Variants in YWHAB observed in about 807,000 individuals in gnomAD.
The protein encoded by YWHAB is tyrosine 3-monooxygenase/tryptophan 5-monooxygenase activation protein beta, also known as 14-3-3 protein beta/alpha.
A neutral mutation model predicts 28.5 loss-of-function variants in YWHAB; 2 were observed. That is an observed-to-expected ratio of 0.07 (90% CI 0.03 to 0.22). The LOEUF (loss-of-function observed/expected upper bound fraction) is 0.22. Ranked by LOEUF, YWHAB falls within the 10% of genes least tolerant of loss-of-function variation. YWHAB has a pLI of 1.00. For synonymous variants in YWHAB, 103 were observed against 104.7 expected, an observed-to-expected ratio of 0.98 and a Z score of 0.10; for missense variants, 148 against 297.1, an observed-to-expected ratio of 0.50 and a Z score of 3.69.
Position 44,906,415 on chromosome 20 carries a change from G to A in YWHAB, c.718G>A (p.Asp240Asn). ...WTSENQGDEG[D>N]AGEGEN Reference sequence around the variant, plus strand: ...ATCGGAAAACCAGGGAGACGAAGGAGACGCTGGGGAGGGAGAGAACTAATG... The same window carrying A: ...ATCGGAAAACCAGGGAGACGAAGGAAACGCTGGGGAGGGAGAGAACTAATG... The change falls in exon 6 of 6, where the codon GAC becomes AAC. Residue 240 changes from aspartate (D) to asparagine (N), a missense_variant. Transcript: ENST00000353703. The A allele has an allele frequency of 1.2e-6, 2 of 1,610,296 alleles. No individual in the cohort carries two copies. The highest frequency in any genetic ancestry group is 1.7e-6 in the Non-Finnish European group (2 of 1,178,634).
chr20:44,908,450 A>G lies in YWHAB; in HGVS notation c.*2012A>G, dbSNP rs895524203. On this transcript the variant is annotated 3_prime_UTR_variant, in exon 6 of 6. Transcript: ENST00000353703. ...TTGTGTATGTCTTTTAAACAGTTCT[A>G]GTTTCACCTTACACAGAATAATCAG... 2.6e-5 allele frequency: 4 copies of G among 152,682 alleles called. No homozygotes were observed. Among genetic ancestry groups the G allele is most frequent in the African/African-American group, 9.6e-5 (4 of 41,468 alleles). The allele number at this position is 152,682 out of a possible 1,614,324, so 9.5% of individuals were successfully genotyped here.
intron 1 of YWHAB, among the ~76,000 whole-genome samples, chr20:44,890,555 G>C (rs1285312590): frequency 2.3e-5 from 3 of 131,238 alleles, no homozygotes; most frequent in Non-Finnish European, 4.6e-5. Flanking sequence ...CTGTCACCCA[G>C]GCTGGAGTGC....
At chr20:44,901,180 G>GA (rs1348333206) in intron 1 of YWHAB, among the ~76,000 whole-genome samples, 2 of 152,168 alleles carry the variant, frequency 1.3e-5, no homozygotes, top group Non-Finnish European at 2.9e-5. Flanking sequence ...AGATAGATGT[G>GA]AGCTGGAGTT....
chr20:44,905,318 T>C, intron 4 of YWHAB, 187 bp downstream of exon 4: 1 of 500,662 alleles, frequency 2.0e-6, no homozygotes, highest in South Asian at 4.7e-5. Context: ...TACCTTCTGC[T>C]GACTTTGTTT....
At chr20:44,888,189 G>A (rs1168908256) in intron 1 of YWHAB, among the ~76,000 whole-genome samples, 1 of 152,198 alleles carries the variant, frequency 6.6e-6, no homozygotes, top group Non-Finnish European at 1.5e-5. Flanking sequence ...CACGTGTATA[G>A]ATTAGACATA....
intron 2 of YWHAB, chr20:44,903,031 A>G: frequency 1.0e-6 from 1 of 986,100 alleles, no homozygotes. Flanking sequence ...CTGCCTCTTA[A>G]CCAGTTTTTC....
At chr20:44,887,109 AGT>A (rs2066533228) in intron 1 of YWHAB, 3 of 152,332 alleles carry the variant, frequency 2.0e-5, no homozygotes, top group Admixed American at 6.5e-5. Flanking sequence ...AATGTGTATA[AGT>A]ATTTGTTCTT....
In YWHAB at chr20:44,908,294, C is replaced by T. The variant is rs1470550167; in HGVS notation, c.*1856C>T. On this transcript the variant is annotated 3_prime_UTR_variant, in exon 6 of 6. Transcript: ENST00000353703. ...TGTATATCTGGTAGCTCTTTTCTTG[C>T]TTTGTTTTTTCTTACCAGTATTCTG... 6.6e-6 allele frequency: 1 copy of T among 152,462 alleles called. No homozygotes were observed. The highest frequency in any genetic ancestry group is 2.1e-4 in the South Asian group (1 of 4,830). 9.4% of individuals were successfully genotyped at this position (152,462 alleles called of 1,614,324 possible).
At chr20:44,888,471 G>A (rs1394666455) in intron 1 of YWHAB, among the ~76,000 whole-genome samples, 1 of 152,166 alleles carries the variant, frequency 6.6e-6, no homozygotes, top group Non-Finnish European at 1.5e-5. Flanking sequence ...ACAGCGCAAG[G>A]TAAGTGCCAG....
intron 1 of YWHAB, among the ~76,000 whole-genome samples, chr20:44,898,414 A>G (rs564299895): frequency 2.6e-5 from 4 of 152,228 alleles, no homozygotes; most frequent in African/African-American, 7.2e-5. Flanking sequence ...TTTTTAGGTG[A>G]TAAGGCCCTG....
rs1304383463 is a variant in YWHAB at position 44,904,130 on chromosome 20, T to G, written c.424+14T>G. On this transcript the variant is annotated intron_variant, in intron 3 of 5. Transcript: ENST00000353703. Reference sequence around the variant, plus strand: ...ACAACAAACAAAGTAAGTAATATCTTTAAAAAGAAATTCGACCAGTAATGG... The same window carrying G: ...ACAACAAACAAAGTAAGTAATATCTGTAAAAAGAAATTCGACCAGTAATGG... 1 of 1,611,394 alleles carries G rather than the reference T, an allele frequency of 6.2e-7. No homozygotes were observed.
chr20:44,901,964 C>T lies in YWHAB; in HGVS notation c.300+131C>T, dbSNP rs549919884. ...ATACTGGAAAGCTGCCAGGTATTTACAACTAATTTTTAAGCATATGATATA... is the reference window on the plus strand; with the variant it reads ...ATACTGGAAAGCTGCCAGGTATTTATAACTAATTTTTAAGCATATGATATA... On this transcript the variant is annotated intron_variant, in intron 2 of 5. Transcript: ENST00000353703. The T allele has an allele frequency of 4.4e-5, 46 of 1,043,798 alleles. No individual in the cohort carries two copies. The South Asian group carries it at 9.3e-4, about 21-fold the overall frequency. The allele number at this position is 1,043,798 out of a possible 1,614,324, so 64.7% of individuals were successfully genotyped here.
At chr20:44,885,977 G>C (rs1330697031) in intron 1 of YWHAB, 91 bp downstream of exon 1, 1 of 152,250 alleles carries the variant, frequency 6.6e-6, no homozygotes, top group East Asian at 1.9e-4. Context: ...CCCAGTGGGT[G>C]GGCCCCGTGG....
At chr20:44,903,266 A>G (rs2066637696) in intron 2 of YWHAB, 1 of 193,258 alleles carries the variant, frequency 5.2e-6, no homozygotes, top group Admixed American at 6.5e-5. Context: ...GCTATACCCT[A>G]GAAGATGACC....
At chr20:44,893,993 G>T (rs572119286) in intron 1 of YWHAB, among the ~76,000 whole-genome samples, 3 of 152,232 alleles carry the variant, frequency 2.0e-5, no homozygotes, top group Non-Finnish European at 4.4e-5. Context: ...CAGTGCACCT[G>T]GCCAGTCTCC....
rs952736468 is a variant in YWHAB, at chr20:44,889,871, A to G, written c.-4+3985A>G. Among the ~76,000 whole-genome samples, 18 of 152,168 alleles carry G rather than the reference A, an allele frequency of 1.2e-4. 1 individual carries two copies. Among genetic ancestry groups the G allele is most frequent in the African/African-American group, 4.3e-4 (18 of 41,448 alleles). On this transcript the variant is annotated intron_variant, in intron 1 of 5. Coordinates refer to ENST00000353703, the MANE Select transcript of YWHAB (RefSeq NM_139323.4). The stretch of plus-strand genomic sequence containing the variant: ...AAGTGAGCATTGGAGTTCATAATTG[A>G]TCTTTAGGAGATAGGGTTACATAAA...
chr20:44,890,500 CTTTT>C (rs35619333), intron 1 of YWHAB, among the ~76,000 whole-genome samples: 4 of 86,390 alleles, frequency 4.6e-5, no homozygotes, highest in Admixed American at 1.4e-4. Context: ...TGGATTCCTA[CTTTT>C]TTTTTTTTTT....
chr20:44,894,897 G>T (rs774926188), intron 1 of YWHAB, among the ~76,000 whole-genome samples: 11 of 152,182 alleles, frequency 7.2e-5, no homozygotes, highest in Non-Finnish European at 1.2e-4. Context: ...TGTGTTCCTT[G>T]TGCTCTCCCA....
In YWHAB at chr20:44,901,498, T is replaced by A. The variant is rs144203761; in HGVS notation, c.-3-33T>A. 1.7e-4 allele frequency: 270 copies of A among 1,548,408 alleles called. No individual in the cohort carries two copies. The African/African-American group carries it at 3.4e-3, about 20-fold the overall frequency. On this transcript the variant is annotated intron_variant, in intron 1 of 5. Coordinates refer to ENST00000353703, the MANE Select transcript of YWHAB (RefSeq NM_139323.4). ...TTTCCTAGGCCCCGAAACCTGACAT[T>A]TGCTCTTTCTTTTTCTCTTGCTCTT...
Sources: gnomAD v4.1 joint callset for allele counts (sites outside exome capture counted in the v4.1 genomes callset) on GRCh38, gnomAD v4.1.1 for gene constraint, MANE v1.5 for transcripts, NCBI Gene and HGNC (gene_info 2026-07-23, HGNC 2026-07-21) for gene names.